Variants in KLHL13 observed in about 807,000 individuals in gnomAD.
The protein encoded by KLHL13 is kelch like family member 13, also known as kelch-like protein 13.
A neutral mutation model predicts 37.1 loss-of-function variants in KLHL13; 10 were observed. The observed-to-expected ratio is 0.27, with a 90% CI of 0.17 to 0.46. KLHL13 has a LOEUF of 0.46. KLHL13 is among the 20% of genes least tolerant of loss of function. The pLI is 1.00. For synonymous variants in KLHL13, 163 were observed against 181.2 expected, an observed-to-expected ratio of 0.90 and a Z score of 0.81; for missense variants, 360 against 509.3, an observed-to-expected ratio of 0.71 and a Z score of 2.82.
At chrX:117,961,953 C>T (rs966730947) in intron 1 of KLHL13, among the ~76,000 whole-genome samples, 9 of 109,406 alleles carry the variant, frequency 8.2e-5, no homozygotes, top group Non-Finnish European at 1.5e-4. Context: ...GCCTGTAATC[C>T]CAGTACTTTG....
At chrX:117,925,754 T>C (rs1047117280) in intron 2 of KLHL13, among the ~76,000 whole-genome samples, 1 of 112,197 alleles carries the variant, frequency 8.9e-6, no homozygotes, top group African/African-American at 3.2e-5. Flanking sequence ...CTCTGACCCG[T>C]CTTATCAGGT....
intron 1 of KLHL13, among the ~76,000 whole-genome samples, chrX:117,960,516 A>G (rs1341799348): frequency 8.9e-6 from 1 of 112,225 alleles, no homozygotes; most frequent in Admixed American, 9.5e-5. Flanking sequence ...TGCACCTGCC[A>G]AACACCAAAC....
At chrX:118,094,447 C>A (rs2055177233) in intron 1 of KLHL13, among the ~76,000 whole-genome samples, 1 of 111,132 alleles carries the variant, frequency 9.0e-6, no homozygotes, top group African/African-American at 3.3e-5. Context: ...GAGAATGGAA[C>A]CAAGTTGGAA....
intron 1 of KLHL13, among the ~76,000 whole-genome samples, chrX:117,951,361 C>T (rs964571727): frequency 1.8e-5 from 2 of 112,041 alleles, no homozygotes; most frequent in African/African-American, 6.5e-5. Context: ...ATAGCAACTT[C>T]TCTCTCTTTT....
chrX:117,913,995 G>C (rs181420254), intron 4 of KLHL13, among the ~76,000 whole-genome samples: 143 of 110,871 alleles, frequency 1.3e-3, no homozygotes, highest in African/African-American at 4.2e-3. Flanking sequence ...CCAAACAACA[G>C]TCATAGTCAT....
intron 1 of KLHL13, among the ~76,000 whole-genome samples, chrX:118,072,387 A>T (rs1423429118): frequency 8.9e-6 from 1 of 112,526 alleles, no homozygotes; most frequent in East Asian, 2.8e-4. Flanking sequence ...CTAGAAGAAA[A>T]CCTAGGCATT....
chrX:117,930,203 A>G (rs1200429097), intron 2 of KLHL13, among the ~76,000 whole-genome samples: 1 of 103,549 alleles, frequency 9.7e-6, no homozygotes, highest in Non-Finnish European at 2.0e-5. Flanking sequence ...AGGGCAAGAA[A>G]GGATGAAAAG....
intron 1 of KLHL13, among the ~76,000 whole-genome samples, chrX:118,049,148 T>C (rs1212036458): frequency 8.9e-6 from 1 of 111,867 alleles, no homozygotes. Context: ...CTACATAAGG[T>C]AAGTCTCACT....
At chrX:117,933,627 G>C (rs1410519183) in intron 2 of KLHL13, among the ~76,000 whole-genome samples, 1 of 111,371 alleles carries the variant, frequency 9.0e-6, no homozygotes, top group East Asian at 2.8e-4. Context: ...CTCAAAAGCA[G>C]AAGCAACAAA....
At chrX:117,903,179 CGAGAGA>C (rs56692141) in intron 5 of KLHL13, among the ~76,000 whole-genome samples, 249 of 92,306 alleles carry the variant, frequency 2.7e-3, no homozygotes, top group African/African-American at 8.7e-3. Context: ...GAGAGGAGAG[CGAGAGA>C]GAGAGAGAGA....
At chrX:117,920,539 A>G (rs1931633076) in intron 2 of KLHL13, among the ~76,000 whole-genome samples, 169 bp from the exon 4 acceptor site, 1 of 112,639 alleles carries the variant, frequency 8.9e-6, no homozygotes, top group South Asian at 3.7e-4. Context: ...GATATGTGAC[A>G]ATGCATGTTT....
chrX:118,029,951 G>A (rs1318688701), intron 1 of KLHL13, among the ~76,000 whole-genome samples: 1 of 110,472 alleles, frequency 9.1e-6, no homozygotes, highest in Admixed American at 9.8e-5. Flanking sequence ...CTGGGTGGTA[G>A]AGTGAGACCC....
intron 1 of KLHL13, chrX:117,983,692 A>G (rs1045964669): frequency 2.5e-6 from 1 of 394,449 alleles, no homozygotes; most frequent in Non-Finnish European, 4.4e-6. Context: ...CACACATAAC[A>G]ATTTTAAACT....
chrX:117,938,159 T>C (rs1392845013), intron 2 of KLHL13, among the ~76,000 whole-genome samples: 2 of 112,084 alleles, frequency 1.8e-5, no homozygotes, highest in Admixed American at 1.9e-4. Context: ...GTTACTTTTT[T>C]TTAGTATCTT....
intron 1 of KLHL13, among the ~76,000 whole-genome samples, chrX:118,022,205 C>G (rs1452518021): frequency 9.0e-6 from 1 of 111,540 alleles, no homozygotes; most frequent in African/African-American, 3.3e-5. Flanking sequence ...GAATAATATC[C>G]CATTTGTGTG....
At position 117,945,366 on chromosome X, in the gene KLHL13, G is replaced by C. The variant is rs151244257; in HGVS notation, c.240+68C>G. 1.8e-5 allele frequency: 19 copies of C among 1,054,583 alleles called. No individual in the cohort carries two copies. The African/African-American group carries it at 3.3e-4, about 18-fold the overall frequency. The allele number at this position is 1,054,583 out of a possible 1,213,427, so 86.9% of individuals were successfully genotyped here. On this transcript the variant is annotated intron_variant, in intron 2 of 6. Coordinates refer to ENST00000262820, the Ensembl canonical transcript of KLHL13. ...CAACCTCCTCCACTACTGACATCCT[G>C]CATCACAAAATCCATGGTGGGTTTT... is the stretch of plus-strand genomic sequence containing the variant.
chrX:118,062,967 G>A (rs1454062662), intron 1 of KLHL13, among the ~76,000 whole-genome samples: 1 of 111,405 alleles, frequency 9.0e-6, no homozygotes, highest in African/African-American at 3.3e-5. Flanking sequence ...CAAAGAATAA[G>A]TAAAAGAAAA....
rs185252504 is a variant in KLHL13 at position 117,910,623 on chromosome X, G to T, written c.571-527C>A. On this transcript the variant is annotated intron_variant, in intron 4 of 6. Transcript: ENST00000262820. ...ATCACTCATTACTATCATTCATTTT[G>T]GTTCCTTCAAAGTTATCACTCATAA... Among the ~76,000 whole-genome samples the T allele has an allele frequency of 9.3e-3, 1,032 of 111,226 alleles. 17 individuals are homozygous for T. The highest frequency in any genetic ancestry group is 0.031 in the African/African-American group (954 of 30,598).
intron 1 of KLHL13, among the ~76,000 whole-genome samples, chrX:118,085,434 T>C (rs79139289): frequency 9.0e-6 from 1 of 110,556 alleles, no homozygotes. Flanking sequence ...GAGATAGATA[T>C]ATATATATAT....
Sources: allele counts gnomAD v4.1 joint callset (sites outside exome capture counted in the v4.1 genomes callset), GRCh38; gene constraint gnomAD v4.1.1; transcripts MANE v1.5; gene names NCBI Gene and HGNC (gene_info 2026-07-23, HGNC 2026-07-21).